The following CSRP1 variants were observed in gnomAD, a reference collection of about 807,000 sequenced individuals.
CSRP1 encodes the protein cysteine and glycine rich protein 1.
Under a neutral mutation model 25.4 loss-of-function variants are expected in CSRP1, and 16 were observed. The ratio of observed to expected loss-of-function variants is 0.63; its 90% CI spans 0.43 to 0.96. The LOEUF (loss-of-function observed/expected upper bound fraction) is 0.96, where lower values mean the gene tolerates loss of function less well. Among genes scored for constraint, CSRP1 ranks in the 40% least tolerant of loss-of-function variants. CSRP1 has a pLI of 0.00. For synonymous variants in CSRP1, 97 were observed against 95.3 expected, an observed-to-expected ratio of 1.02 and a Z score of -0.10; for missense variants, 212 against 243.6, an observed-to-expected ratio of 0.87 and a Z score of 0.86.
chr1:201,502,146 A>G (rs1397247830), intron 1 of CSRP1, among the ~76,000 whole-genome samples: 1 of 152,132 alleles, frequency 6.6e-6, no homozygotes, highest in African/African-American at 2.4e-5. Flanking sequence ...AAACCATCCC[A>G]TATCTTTATT....
intron 4 of CSRP1, 86 bp from the exon 5 acceptor site, chr1:201,485,462 G>C: frequency 8.2e-7 from 1 of 1,216,466 alleles, no homozygotes; most frequent in South Asian, 1.2e-5. Context: ...ACATAACCAT[G>C]GTATAAGGGC....
At chr1:201,506,143 G>GCCA (rs1664817198) in intron 1 of CSRP1, among the ~76,000 whole-genome samples, 2 of 152,142 alleles carry the variant, frequency 1.3e-5, no homozygotes, top group Non-Finnish European at 1.5e-5. Context: ...AAGACTCCAA[G>GCCA]CCACCTCTTC....
At chr1:201,488,447 A>G (rs982373509) in intron 4 of CSRP1, 1 of 155,402 alleles carries the variant, frequency 6.4e-6, no homozygotes, top group Non-Finnish European at 1.4e-5. Flanking sequence ...TTTTGGGATC[A>G]CAAATCCTTT....
At chr1:201,491,405 T>A (rs773446672) in intron 2 of CSRP1, 8 of 152,216 alleles carry the variant, frequency 5.3e-5, no homozygotes, top group Non-Finnish European at 1.0e-4. Flanking sequence ...TTTGCAAGTT[T>A]TTTTTGCCTT....
chr1:201,493,173 C>T (rs1664397617), intron 2 of CSRP1, among the ~76,000 whole-genome samples: 1 of 152,226 alleles, frequency 6.6e-6, no homozygotes, highest in Non-Finnish European at 1.5e-5. Flanking sequence ...CAGCCCCTTT[C>T]AAGACCATGG....
chr1:201,488,703 G>A (rs566944177), intron 4 of CSRP1, 152 bp downstream of exon 4: 2 of 811,396 alleles, frequency 2.5e-6, no homozygotes, highest in East Asian at 5.8e-5. Context: ...GAAAGCACAG[G>A]TACATGCAAC....
At chr1:201,486,052 C>T (rs1048928172) in intron 4 of CSRP1, 1 of 152,376 alleles carries the variant, frequency 6.6e-6, no homozygotes, top group Non-Finnish European at 1.5e-5. Context: ...CTGCCACCCT[C>T]CCCTCCAATA....
intron 1 of CSRP1, among the ~76,000 whole-genome samples, chr1:201,498,805 G>A (rs1162502028): frequency 2.6e-5 from 4 of 152,240 alleles, no homozygotes; most frequent in Non-Finnish European, 5.9e-5. Context: ...AATCTCTGCA[G>A]AGCCTGGCTC....
chr1:201,490,654 G>A (rs1010414290), intron 2 of CSRP1: 13 of 278,390 alleles, frequency 4.7e-5, no homozygotes, highest in Admixed American at 2.2e-4. Context: ...AGGGTTCAGA[G>A]GCAACAGCCT....
chr1:201,493,139 C>T (rs1664396259), intron 2 of CSRP1, among the ~76,000 whole-genome samples: 2 of 152,220 alleles, frequency 1.3e-5, no homozygotes, highest in African/African-American at 2.4e-5. Context: ...AGCCTCTGAA[C>T]CACCACCTGC....
chr1:201,484,832 C>T, intron 5 of CSRP1, 43 bp from the exon 6 acceptor site: 1 of 1,544,014 alleles, frequency 6.5e-7, no homozygotes, highest in Non-Finnish European at 8.9e-7. Context: ...CTTCCTCCAC[C>T]CCCAGCCACA....
intron 1 of CSRP1, among the ~76,000 whole-genome samples, chr1:201,505,015 G>A (rs1396834734): frequency 2.6e-5 from 4 of 152,106 alleles, no homozygotes; most frequent in Non-Finnish European, 2.9e-5. Flanking sequence ...CAGGAGAATC[G>A]CTTGAACCCA....
chr1:201,484,647 G>C lies in CSRP1; in HGVS notation c.*66C>G. 7.0e-7 allele frequency: 1 copy of C among 1,429,390 alleles called. No homozygotes were observed. The highest frequency in any genetic ancestry group is 9.7e-7 in the Non-Finnish European group (1 of 1,029,778). The allele number at this position is 1,429,390 out of a possible 1,614,324, so 88.5% of individuals were successfully genotyped here. A position where few individuals can be genotyped will look rare whatever the true frequency, so the allele number is the denominator to read the frequency against. Reference sequence around the variant, plus strand: ...AGAAATAATCCTGGAGGTCTCCAAAGCTGCTGGGAATGGAATGGCGATGAA... The same window carrying C: ...AGAAATAATCCTGGAGGTCTCCAAACCTGCTGGGAATGGAATGGCGATGAA... On this transcript the variant is annotated 3_prime_UTR_variant, in exon 6 of 6. Coordinates refer to ENST00000340006, the MANE Select transcript of CSRP1 (RefSeq NM_004078.3).
chr1:201,490,090 A>G, intron 3 of CSRP1, 86 bp downstream of exon 3: 1 of 1,413,624 alleles, frequency 7.1e-7, no homozygotes, highest in East Asian at 2.4e-5. Flanking sequence ...TTGCTTACCC[A>G]AAAATGGTTG....
chr1:201,496,167 G>T (rs1211529297), intron 2 of CSRP1, 25 bp downstream of exon 2: 1 of 1,587,468 alleles, frequency 6.3e-7, no homozygotes, highest in Admixed American at 1.7e-5. Flanking sequence ...CAAGGCAACA[G>T]CAATAGGGCC....
rs1218346980 is a variant in CSRP1, at chr1:201,488,928, A to C, written c.338T>G (p.Ile113Ser). ...NPNASKFAQK[I>S]GGSERCPRCS... ...TCGGGGGCAGCGCTCGGAGCCACCA[A>C]TCTTCTGGGCAAATTTGGATGCATT... The change falls in exon 4 of 6, where the codon ATT (isoleucine) becomes AGT (serine). Residue 113 changes from isoleucine (I) to serine (S), a missense_variant. Ile to Ser is a moderately radical substitution (Grantham distance 142, BLOSUM62 -2). Coordinates refer to ENST00000340006, the MANE Select transcript of CSRP1 (RefSeq NM_004078.3). 6.2e-7 allele frequency: 1 copy of C among 1,614,052 alleles called. No individual in the cohort carries two copies. Among genetic ancestry groups the C allele is most frequent in the Non-Finnish European group, 8.5e-7 (1 of 1,179,968 alleles).
rs1201070037 is a variant in CSRP1, at chr1:201,489,944, T to C, written c.281+232A>G. ...CTCCCAGCTCTGACTCTCATACAAA[T>C]ATAGAATGCACGCTCCTTGCAGGGA... On this transcript the variant is annotated intron_variant, in intron 3 of 5. Transcript: ENST00000340006. 9 of 465,050 alleles carry C rather than the reference T, an allele frequency of 1.9e-5. No individual in the cohort carries two copies. In the Admixed American group the frequency reaches 3.0e-4, roughly 16 times the overall value. The allele number at this position is 465,050 out of a possible 1,614,324, so 28.8% of individuals were successfully genotyped here. A position where few individuals can be genotyped will look rare whatever the true frequency, so the allele number is the denominator to read the frequency against.
At chr1:201,502,815 T>C (rs1414791959) in intron 1 of CSRP1, among the ~76,000 whole-genome samples, 1 of 152,088 alleles carries the variant, frequency 6.6e-6, no homozygotes. Flanking sequence ...CCCAGTGCCT[T>C]CTAGAGCAGA....
chr1:201,485,189 C>T, intron 5 of CSRP1, 94 bp downstream of exon 5: 2 of 1,048,966 alleles, frequency 1.9e-6, no homozygotes, highest in Non-Finnish European at 3.0e-6. Flanking sequence ...GATCCCAAGG[C>T]CAGGAATTAG....
Sources: gnomAD v4.1 joint callset for allele counts (sites outside exome capture counted in the v4.1 genomes callset) on GRCh38, gnomAD v4.1.1 for gene constraint, MANE v1.5 for transcripts, NCBI Gene and HGNC (gene_info 2026-07-23, HGNC 2026-07-21) for gene names.